The following PDE1C variants were observed in gnomAD, a reference collection of about 807,000 sequenced individuals.
The protein encoded by PDE1C is dual specificity calcium/calmodulin-dependent 3',5'-cyclic nucleotide phosphodiesterase 1C.
Under a neutral mutation model 93.1 loss-of-function variants are expected in PDE1C, and 62 were observed. The ratio of observed to expected loss-of-function variants is 0.67; its 90% CI spans 0.54 to 0.82. The LOEUF (loss-of-function observed/expected upper bound fraction) is 0.82. Ranked by LOEUF, PDE1C falls within the 40% of genes least tolerant of loss-of-function variation. The pLI is 0.00. For synonymous variants in PDE1C, 325 were observed against 310.1 expected (o/e 1.05, Z -0.50); for missense variants, 742 against 884.6 (o/e 0.84, Z 2.04).
At chr7:31,721,811 A>G in the PDE1C span, among the ~76,000 whole-genome samples, 4 of 152,344 alleles carry the variant, frequency 2.6e-5, no homozygotes, top group Admixed American at 2.6e-4. Context: ...GTGGTTGCAC[A>G]AAGAAGGCTG....
intron 3 of PDE1C, among the ~76,000 whole-genome samples, chr7:32,101,973 C>A (rs1358117526): frequency 6.6e-6 from 1 of 152,026 alleles, no homozygotes; most frequent in Non-Finnish European, 1.5e-5. Context: ...AGAGAGATAC[C>A]AGGCTCCTTG....
chr7:31,643,020 G>C, the PDE1C span: 2 of 1,614,004 alleles, frequency 1.2e-6, no homozygotes, highest in Non-Finnish European at 1.7e-6. Flanking sequence ...CCCATGCTGA[G>C]TATGAGGTCA....
intron 1 of PDE1C, among the ~76,000 whole-genome samples, chr7:32,375,545 T>C (rs1784419008): frequency 6.6e-6 from 1 of 152,214 alleles, no homozygotes; most frequent in African/African-American, 2.4e-5. Context: ...ACCTTCTGGG[T>C]AGAGGCCAGA....
intron 16 of PDE1C, among the ~76,000 whole-genome samples, chr7:31,796,471 A>T (rs1785324699): frequency 6.6e-6 from 1 of 151,700 alleles, no homozygotes; most frequent in African/African-American, 2.4e-5. Flanking sequence ...AAGCACAAGG[A>T]CATTCACTGA....
At chr7:32,083,057 G>A (rs1796813745) in intron 3 of PDE1C, among the ~76,000 whole-genome samples, 1 of 151,410 alleles carries the variant, frequency 6.6e-6, no homozygotes, top group African/African-American at 2.4e-5. Flanking sequence ...ACTACTCTGA[G>A]CTACAGGAGG....
At chr7:32,020,512 T>G (rs1788509040) in intron 2 of PDE1C, among the ~76,000 whole-genome samples, 1 of 152,094 alleles carries the variant, frequency 6.6e-6, no homozygotes, top group Admixed American at 6.6e-5. Flanking sequence ...TTTCATAATG[T>G]TCTTTCAAAG....
intron 2 of PDE1C, among the ~76,000 whole-genome samples, chr7:31,892,230 A>T (rs959088541): frequency 2.0e-5 from 3 of 152,132 alleles, no homozygotes; most frequent in Non-Finnish European, 2.9e-5. Context: ...TTCACCAGTG[A>T]GCTACTAACT....
chr7:31,685,399 A>G, the PDE1C span, among the ~76,000 whole-genome samples: 1 of 152,222 alleles, frequency 6.6e-6, no homozygotes, highest in East Asian at 1.9e-4. Flanking sequence ...AGATGTTACC[A>G]TTGGATATAA....
the PDE1C span, chr7:31,652,149 G>A: frequency 1.9e-5 from 18 of 931,020 alleles, no homozygotes; most frequent in Admixed American, 1.5e-4. Context: ...CAGAATCTAG[G>A]TTTACATGCC....
At chr7:32,034,440 G>A (rs1314719457) in intron 2 of PDE1C, among the ~76,000 whole-genome samples, 1 of 152,116 alleles carries the variant, frequency 6.6e-6, no homozygotes, top group African/African-American at 2.4e-5. Flanking sequence ...CAATCTGGTG[G>A]ATGGATTCCC....
intron 1 of PDE1C, among the ~76,000 whole-genome samples, chr7:32,262,857 G>T (rs1212013939): frequency 1.3e-5 from 2 of 152,100 alleles, no homozygotes; most frequent in Admixed American, 6.5e-5. Context: ...TAGGTGTAGG[G>T]GCTAAACCTT....
intron 17 of PDE1C, among the ~76,000 whole-genome samples, chr7:31,769,774 C>G (rs1795364667): frequency 6.6e-6 from 1 of 152,184 alleles, no homozygotes; most frequent in African/African-American, 2.4e-5. Context: ...TCTCTTTTCT[C>G]CCCAGCCCGT....
At chr7:31,712,286 G>GTGAA in the PDE1C span, among the ~76,000 whole-genome samples, 10 of 151,406 alleles carry the variant, frequency 6.6e-5, no homozygotes, top group South Asian at 8.4e-4. Context: ...GAGTGAGTGA[G>GTGAA]TGAATGAATG....
chr7:32,394,980 T>C (rs142705443), intron 1 of PDE1C, among the ~76,000 whole-genome samples: 1 of 152,182 alleles, frequency 6.6e-6, no homozygotes. Flanking sequence ...TCTGGTGCCA[T>C]GCTTCTTGTA....
chr7:31,699,002 G>A, the PDE1C span, among the ~76,000 whole-genome samples: 3 of 152,130 alleles, frequency 2.0e-5, 1 homozygote, highest in South Asian at 6.2e-4. Context: ...TCAAGTGCTG[G>A]GCATACACTG....
chr7:31,621,604 A>G, the PDE1C span, among the ~76,000 whole-genome samples: 1 of 149,082 alleles, frequency 6.7e-6, no homozygotes, highest in Admixed American at 6.7e-5. Context: ...CTCCTGAAGG[A>G]AGCACTAAAC....
Position 31,753,364 on chromosome 7 carries a change from C to T in PDE1C, c.*20G>A, listed in dbSNP as rs1389486782. The T allele has an allele frequency of 3.7e-6, 6 of 1,604,458 alleles. No individual in the cohort carries two copies. The highest frequency in any genetic ancestry group is 5.1e-6 in the Non-Finnish European group (6 of 1,175,476). ...CAGATAGGTAGACCCTCCTTCACTC[C>T]CTCTCTTCTTCCCCTCGGCCTATTT... On this transcript the variant is annotated 3_prime_UTR_variant, in exon 18 of 18. Transcript: ENST00000396191.
At chr7:32,211,082 G>A (rs1469317080) in intron 1 of PDE1C, among the ~76,000 whole-genome samples, 1 of 152,038 alleles carries the variant, frequency 6.6e-6, no homozygotes, top group Admixed American at 6.6e-5. Flanking sequence ...GGTGGTGGGC[G>A]CCTGTAATCC....
chr7:31,870,010 C>T (rs574270229), intron 6 of PDE1C, among the ~76,000 whole-genome samples: 1 of 151,988 alleles, frequency 6.6e-6, no homozygotes, highest in East Asian at 1.9e-4. Flanking sequence ...CCTGATTTAC[C>T]ATTGGATTAA....
Sources: gnomAD v4.1 joint callset for allele counts (sites outside exome capture counted in the v4.1 genomes callset) on GRCh38, gnomAD v4.1.1 for gene constraint, MANE v1.5 for transcripts, NCBI Gene and HGNC (gene_info 2026-07-23, HGNC 2026-07-21) for gene names.